BLZF1: variants seen among roughly 807,000 people sequenced by gnomAD.
BLZF1 encodes golgin-45.
In BLZF1, 39 loss-of-function variants were observed where a neutral mutation model predicts 43.8. That is an observed-to-expected ratio of 0.89 (90% confidence interval 0.69 to 1.16). BLZF1 has a LOEUF of 1.16. Among genes scored for constraint, BLZF1 ranks in the 50% most tolerant of loss-of-function variants. The pLI is 0.00. For missense variants in BLZF1, 449 were observed against 469.8 expected (o/e 0.96, Z 0.41); for synonymous variants, 136 against 159.4 (o/e 0.85, Z 1.11).
At chr1:169,395,019 TGCCCAC>T in intron 7 of BLZF1, 6 of 1,556,462 alleles carry the variant, frequency 3.9e-6, no homozygotes, top group Non-Finnish European at 5.2e-6. Flanking sequence ...TGATAGCAGC[TGCCCAC>T]TGAAATATTT....
chr1:169,384,868 A>ATT (rs754262692), intron 6 of BLZF1, among the ~76,000 whole-genome samples: 4 of 152,190 alleles, frequency 2.6e-5, no homozygotes, highest in African/African-American at 4.8e-5. Flanking sequence ...GTAAACTCCT[A>ATT]AAGGGCTGGG....
intron 1 of BLZF1, among the ~76,000 whole-genome samples, 189 bp from the exon 2 acceptor site, chr1:169,369,284 T>TC (rs891767941): frequency 6.6e-6 from 1 of 150,984 alleles, no homozygotes; most frequent in African/African-American, 2.4e-5. Context: ...CACCCCTAAT[T>TC]TTTTTTTTTG....
At chr1:169,381,037 C>A (rs1021483067) in intron 5 of BLZF1, among the ~76,000 whole-genome samples, 1 of 151,944 alleles carries the variant, frequency 6.6e-6, no homozygotes, top group Non-Finnish European at 1.5e-5. Flanking sequence ...TCCTTAAAAG[C>A]CTTTTGCATT....
At chr1:169,370,602 A>G (rs1319948635) in intron 2 of BLZF1, among the ~76,000 whole-genome samples, 1 of 152,248 alleles carries the variant, frequency 6.6e-6, no homozygotes, top group Non-Finnish European at 1.5e-5. Context: ...GACGCTTGCC[A>G]AACTTCAAGT....
intron 6 of BLZF1, among the ~76,000 whole-genome samples, chr1:169,382,856 A>C (rs748991224): frequency 3.3e-5 from 5 of 151,856 alleles, no homozygotes; most frequent in Non-Finnish European, 5.9e-5. Context: ...CTTCAACTCA[A>C]CATCTCTGTC....
chr1:169,381,947 G>C (rs1416572014), intron 5 of BLZF1, 115 bp from the exon 6 acceptor site: 1 of 795,654 alleles, frequency 1.3e-6, no homozygotes, highest in Non-Finnish European at 2.0e-6. Context: ...AGAGAGAAAG[G>C]GATCAGAGAA....
intron 1 of BLZF1, 67 bp from the exon 2 acceptor site, chr1:169,369,406 T>A: frequency 1.3e-6 from 1 of 767,112 alleles, no homozygotes; most frequent in Non-Finnish European, 2.0e-6. Context: ...TCATAACTTT[T>A]AAATTGGAGG....
chr1:169,380,891 T>A (rs1423640514), intron 5 of BLZF1, among the ~76,000 whole-genome samples: 1 of 152,104 alleles, frequency 6.6e-6, no homozygotes, highest in Non-Finnish European at 1.5e-5. Flanking sequence ...GTAATAGTTG[T>A]AGTCGTACAG....
At chr1:169,370,330 A>G (rs998111838) in intron 2 of BLZF1, among the ~76,000 whole-genome samples, 2 of 152,206 alleles carry the variant, frequency 1.3e-5, no homozygotes, top group Non-Finnish European at 2.9e-5. Context: ...ACTTCAACAA[A>G]TAAAGATTTG....
rs547649061 is a variant in BLZF1, at chr1:169,385,305, CAAGGTG to C, written c.1018-1691_1018-1686del. ...CTTAAACTTTTCAGTCCCATTGCTT[CAAGGTG>C]CCATCATTTCTTAGCTAGATTATTA... is the stretch of plus-strand genomic sequence containing the variant. On this transcript the variant is annotated intron_variant, in intron 6 of 6. Transcript: ENST00000367808. Among the ~76,000 whole-genome samples, 47 of 152,300 alleles carry C rather than the reference CAAGGTG, an allele frequency of 3.1e-4. No individual in the cohort carries two copies. The East Asian group carries it at 8.5e-3, about 27-fold the overall frequency.
intron 6 of BLZF1, among the ~76,000 whole-genome samples, chr1:169,385,955 T>G (rs540063221): frequency 6.6e-6 from 1 of 152,316 alleles, no homozygotes; most frequent in South Asian, 2.1e-4. Flanking sequence ...TCTTTCCAAT[T>G]GCAGTGCTTG....
intron 2 of BLZF1, among the ~76,000 whole-genome samples, chr1:169,373,204 C>T (rs1397542719): frequency 1.3e-5 from 2 of 152,028 alleles, no homozygotes; most frequent in East Asian, 1.9e-4. Flanking sequence ...GTAGGCAATA[C>T]GAATGAGCAA....
chr1:169,370,406 CCTCT>C lies in BLZF1; in HGVS notation c.28+859_28+862del, dbSNP rs1297004619. Among the ~76,000 whole-genome samples the C allele has an allele frequency of 4.6e-5, 7 of 152,256 alleles. No homozygotes were observed. The East Asian group carries it at 1.4e-3, about 29-fold the overall frequency. On this transcript the variant is annotated intron_variant, in intron 2 of 6. Coordinates refer to ENST00000367808, the MANE Select transcript of BLZF1 (RefSeq NM_001320973.2). The stretch of plus-strand genomic sequence containing the variant: ...CACTTTTTAGTCCTAGCTGATTTGT[CCTCT>C]CTAATATTTAATACTGTTGACCATT...
chr1:169,391,561 A>G (rs183135751), downstream of BLZF1, among the ~76,000 whole-genome samples: 1 of 152,092 alleles, frequency 6.6e-6, no homozygotes, highest in Non-Finnish European at 1.5e-5. Context: ...GGGAGTTTTC[A>G]TTTCTGCAAC....
chr1:169,372,640 A>G (rs1557845791), intron 2 of BLZF1, among the ~76,000 whole-genome samples: 1 of 152,148 alleles, frequency 6.6e-6, no homozygotes, highest in Non-Finnish European at 1.5e-5. Context: ...TGCTTTGTCC[A>G]AGGTCACACA....
chr1:169,373,692 A>G (rs1329157736), intron 2 of BLZF1, among the ~76,000 whole-genome samples: 1 of 152,172 alleles, frequency 6.6e-6, no homozygotes, highest in Non-Finnish European at 1.5e-5. Flanking sequence ...AAGTTGGTTG[A>G]ACTTCTTGAT....
At chr1:169,389,653 C>T (rs117555716), downstream of BLZF1, among the ~76,000 whole-genome samples, 1 of 152,300 alleles carries the variant, frequency 6.6e-6, no homozygotes, top group East Asian at 1.9e-4. Context: ...ATTTGTACAA[C>T]AGTGTTCACA....
chr1:169,387,289 T>A lies in BLZF1; in HGVS notation c.*107T>A. The A allele has an allele frequency of 1.0e-6, 1 of 977,178 alleles. No homozygotes were observed. The highest frequency in any genetic ancestry group is 1.5e-6 in the Non-Finnish European group (1 of 657,860). 60.5% of individuals were successfully genotyped at this position (977,178 alleles called of 1,614,324 possible). ...TGCTAGAAATAATATCACTTCCTAT[T>A]TACATAATGTATACACCCAAAGATA... On this transcript the variant is annotated 3_prime_UTR_variant, in exon 7 of 7. Transcript: ENST00000367808.
chr1:169,388,905 G>T (rs1489265886), downstream of BLZF1, among the ~76,000 whole-genome samples: 1 of 152,102 alleles, frequency 6.6e-6, no homozygotes, highest in Non-Finnish European at 1.5e-5. Flanking sequence ...TGGGTCACCT[G>T]AGGTTAGGAG....
Sources: gnomAD v4.1 joint callset for allele counts (sites outside exome capture counted in the v4.1 genomes callset) on GRCh38, gnomAD v4.1.1 for gene constraint, MANE v1.5 for transcripts, NCBI Gene and HGNC (gene_info 2026-07-23, HGNC 2026-07-21) for gene names.